ATP13A1: variants seen among roughly 807,000 people sequenced by gnomAD.
ATP13A1 encodes ATPase 13A1.
In ATP13A1, 55 loss-of-function variants were observed where a neutral mutation model predicts 134.8. That is an observed-to-expected ratio of 0.41 (90% CI 0.33 to 0.51). The LOEUF (loss-of-function observed/expected upper bound fraction) is 0.51, where lower values mean the gene tolerates loss of function less well. ATP13A1 is among the 20% of genes least tolerant of loss of function. The pLI is 0.29. For missense variants in ATP13A1, 1,389 were observed against 1,652.8 expected (o/e 0.84, Z 2.77); for synonymous variants, 775 against 725.1 (o/e 1.07, Z -1.10).
chr19:19,646,505 CCCTG>C lies in ATP13A1; in HGVS notation c.3106-162_3106-159del, dbSNP rs1175107471. 5 of 875,236 alleles carry C rather than the reference CCCTG, an allele frequency of 5.7e-6. No individual in the cohort carries two copies. The Admixed American group carries it at 1.0e-4, about 18-fold the overall frequency. The allele number at this position is 875,236 out of a possible 1,614,324, so 54.2% of individuals were successfully genotyped here. ...CATGGGTCAGCACCAGTCCCTGGAT[CCCTG>C]CCTGCCTCTCACCCCTGAGCCCAGG... On this transcript the variant is annotated intron_variant, in intron 22 of 25. Transcript: ENST00000357324.
At position 19,655,050 on chromosome 19, in the gene ATP13A1, G is replaced by A; in HGVS notation, c.1655+69C>T. 6.3e-7 allele frequency: 1 copy of A among 1,589,096 alleles called. No homozygotes were observed. The highest frequency in any genetic ancestry group is 8.5e-7 in the Non-Finnish European group (1 of 1,170,344). On this transcript the variant is annotated intron_variant, in intron 12 of 25. Coordinates refer to ENST00000357324, the MANE Select transcript of ATP13A1 (RefSeq NM_020410.3). This position sits in a 1 kb window ranked among gnomAD's most constrained non-coding sequence, Gnocchi z 5.7. The stretch of plus-strand genomic sequence containing the variant: ...CACTGCAAGGGCTTGGGGTGGATGG[G>A]CCACCTGTCTCTCGACTTCCCAGAA...
At chr19:19,659,813 CCA>C in intron 2 of ATP13A1, 22 bp from the exon 3 acceptor site, 1 of 1,609,982 alleles carries the variant, frequency 6.2e-7, no homozygotes. Context: ...GGTGTGTTTG[CCA>C]CAGAGGCCCC....
chr19:19,648,139 CG>C (rs2061998762), intron 19 of ATP13A1, among the ~76,000 whole-genome samples: 2 of 151,114 alleles, frequency 1.3e-5, no homozygotes, highest in Non-Finnish European at 2.9e-5. Context: ...GCTGATACGG[CG>C]AAACCCCGTC....
Position 19,662,184 on chromosome 19 carries a change from T to C in ATP13A1, c.396+1087A>G, listed in dbSNP as rs2062099130. ...CAAAAGGCAGCTGAAGTTTGAGCGG[T>C]GCCACAGTCCCCTTAACCCCTCCTT... is the stretch of plus-strand genomic sequence containing the variant. On this transcript the variant is annotated intron_variant, in intron 1 of 25. Coordinates refer to ENST00000357324, the MANE Select transcript of ATP13A1 (RefSeq NM_020410.3). 3 of 1,549,280 alleles carry C rather than the reference T, an allele frequency of 1.9e-6. 1 individual carries two copies. The highest frequency in any genetic ancestry group is 3.9e-5 in the Admixed American group (2 of 50,784).
rs927735689 is a variant in ATP13A1, at chr19:19,653,686, C to A, written c.2100+98G>T. The A allele has an allele frequency of 1.9e-5, 22 of 1,151,214 alleles. No homozygotes were observed. In the African/African-American group the frequency reaches 2.6e-4, roughly 14 times the overall value. 71.3% of individuals were successfully genotyped at this position (1,151,214 alleles called of 1,614,324 possible). ...AGGCGGGGCAAGGAGGACAAAATCA[C>A]AACCATTCAACCTGGCACTGTGGGA... On this transcript the variant is annotated intron_variant, in intron 15 of 25. Transcript: ENST00000357324. This position sits in a 1 kb window ranked among gnomAD's most constrained non-coding sequence, Gnocchi z 4.2.
At chr19:19,649,454 C>G (rs1315495919) in intron 19 of ATP13A1, 113 bp downstream of exon 19, 7 of 1,138,190 alleles carry the variant, frequency 6.2e-6, no homozygotes, top group Non-Finnish European at 7.6e-6. Context: ...CCCATCCTCA[C>G]AGGAATTAGT....
chr19:19,645,251 G>C lies in ATP13A1; in HGVS notation c.*171C>G, dbSNP rs2061976683. The stretch of plus-strand genomic sequence containing the variant: ...TACCAAAGGTGCTGGCTTGGGGCTG[G>C]TTCTGCTGGCCAAGCCAGCGGATGG... On this transcript the variant is annotated 3_prime_UTR_variant, in exon 26 of 26. Transcript: ENST00000357324. The surrounding 1 kb of genome is among the most constrained non-coding windows in gnomAD (Gnocchi z 4.1). 2.8e-6 allele frequency: 2 copies of C among 711,430 alleles called. No homozygotes were observed. The highest frequency in any genetic ancestry group is 5.8e-5 in the Admixed American group (2 of 34,550). 44.1% of individuals were successfully genotyped at this position (711,430 alleles called of 1,614,324 possible).
intron 13 of ATP13A1, 113 bp downstream of exon 13, chr19:19,654,430 C>G (rs2062044211): frequency 7.5e-7 from 1 of 1,336,898 alleles, no homozygotes; most frequent in Non-Finnish European, 1.0e-6. Flanking sequence ...CGGGGAGCAT[C>G]AGAGCTGTAG....
At position 19,655,617 on chromosome 19, in the gene ATP13A1, C is replaced by T; in HGVS notation, c.1307G>A (p.Arg436Lys). ...LLRTILFGVK[R>K]VTANNLETFI... is the part of the protein sequence containing the mutation. ...GGTCTCCAGGTTGTTCGCAGTCACC[C>T]TCTTGACCCCGAAGAGGATGGTGCG... Residue 436 changes from arginine (R) to lysine (K), a missense_variant, in exon 10 of 26, where the codon AGG (arginine) becomes AAG (lysine). Physicochemically the swap from Arg to Lys is conservative, Grantham distance 26 (BLOSUM62 2). Around this residue, in one of 4 missense-constraint regions of ATP13A1, gnomAD observed 747 missense variants for 956.1 expected, o/e 0.78. Coordinates refer to ENST00000357324, the MANE Select transcript of ATP13A1 (RefSeq NM_020410.3). This position sits in a 1 kb window ranked among gnomAD's most constrained non-coding sequence, Gnocchi z 5.7. 1 of 1,613,826 alleles carries T rather than the reference C, an allele frequency of 6.2e-7. No individual in the cohort carries two copies. The highest frequency in any genetic ancestry group is 8.5e-7 in the Non-Finnish European group (1 of 1,179,834).
At position 19,656,824 on chromosome 19, in the gene ATP13A1, G is replaced by T; in HGVS notation, c.976+23C>A. ...GCCCTGAGGCTGGGGCTCCCACTGG[G>T]ACTGAGCGGAACCCGGCCTCACCGA... On this transcript the variant is annotated intron_variant, in intron 6 of 25. Coordinates refer to ENST00000357324, the MANE Select transcript of ATP13A1 (RefSeq NM_020410.3). This position sits in a 1 kb window ranked among gnomAD's most constrained non-coding sequence, Gnocchi z 4.6. The T allele has an allele frequency of 6.2e-7, 1 of 1,612,254 alleles. No individual in the cohort carries two copies. Among genetic ancestry groups the T allele is most frequent in the Non-Finnish European group, 8.5e-7 (1 of 1,179,294 alleles).
In ATP13A1 at chr19:19,653,655, A is replaced by C. The variant is rs2062038567; in HGVS notation, c.2100+129T>G. The C allele has an allele frequency of 1.2e-6, 1 of 865,762 alleles. No individual in the cohort carries two copies. Among genetic ancestry groups the C allele is most frequent in the African/African-American group, 1.7e-5 (1 of 59,236 alleles). 53.6% of individuals were successfully genotyped at this position (865,762 alleles called of 1,614,324 possible). A position where few individuals can be genotyped will look rare whatever the true frequency, so the allele number is the denominator to read the frequency against. ...GCCATTTGGAGTCTCCAAAGGTAGA[A>C]GCTGGAGGCGGGGCAAGGAGGACAA... On this transcript the variant is annotated intron_variant, in intron 15 of 25. Transcript: ENST00000357324. This position sits in a 1 kb window ranked among gnomAD's most constrained non-coding sequence, Gnocchi z 4.2.
chr19:19,663,364 C>T lies in ATP13A1; in HGVS notation c.303G>A (p.Leu101=). 6.3e-7 allele frequency: 1 copy of T among 1,591,132 alleles called. No homozygotes were observed. Among genetic ancestry groups the T allele is most frequent in the Non-Finnish European group, 8.5e-7 (1 of 1,170,176 alleles). Residue 101 remains leucine, a synonymous_variant, in exon 1 of 26, where the codon CTG becomes CTA. Transcript: ENST00000357324. ...CGAGGCAGATGGTGGCAAGCACGAG[C>T]AGCGCAGCTTCGGGGATCTGCACCC... ...SSWVQIPEAA[L]LVLATICLAH...
In ATP13A1 at chr19:19,649,806, G is replaced by A. The variant is rs1599429131; in HGVS notation, c.2470C>T (p.Pro824Ser). The part of the protein sequence containing the change: ...DGLAHLQATD[P>S]QQLLRLIPHV... ...GGGATGAGGCGGAGCAGCTGCTGGG[G>A]GTCGGTGGCCTGCAGGTGGGCCAAG... Residue 824 changes from proline (P) to serine (S), a missense_variant, in exon 18 of 26, where the codon CCC becomes TCC. This residue lies in a region of ATP13A1 where 747 missense variants were observed against 956.1 expected (regional missense o/e 0.78). Coordinates refer to ENST00000357324, the MANE Select transcript of ATP13A1 (RefSeq NM_020410.3). The A allele has an allele frequency of 6.2e-7, 1 of 1,601,982 alleles. No individual in the cohort carries two copies. Among genetic ancestry groups the A allele is most frequent in the African/African-American group, 1.3e-5 (1 of 74,818 alleles).
Position 19,661,799 on chromosome 19 carries a change from G to C in ATP13A1, c.396+1472C>G, listed in dbSNP as rs570311293. On this transcript the variant is annotated intron_variant, in intron 1 of 25. Coordinates refer to ENST00000357324, the MANE Select transcript of ATP13A1 (RefSeq NM_020410.3). ...GGGGGGAGCACAATGATGACCCGCA[G>C]AAACAAAGCGCCACCGCACGGGTGG... Among the ~76,000 whole-genome samples, 305 of 152,286 alleles carry C rather than the reference G, an allele frequency of 2.0e-3. 1 individual carries two copies. The highest frequency in any genetic ancestry group is 2.6e-3 in the Non-Finnish European group (180 of 68,020).
Position 19,659,726 on chromosome 19 carries a change from C to T in ATP13A1, c.552G>A (p.Leu184=), listed in dbSNP as rs2062082217. The T allele has an allele frequency of 2.5e-6, 4 of 1,613,968 alleles. No homozygotes were observed. The highest frequency in any genetic ancestry group is 3.4e-6 in the Non-Finnish European group (4 of 1,179,872). Residue 184 remains leucine, a synonymous_variant, in exon 3 of 26, where the codon CTG becomes CTA. Coordinates refer to ENST00000357324, the MANE Select transcript of ATP13A1 (RefSeq NM_020410.3). ...CCACGGGGAGAAACTGCTTCTTCTC[C>T]AGGGCATCGTAGGAATACTTGATCT... ...FQKIKYSYDA[L]EKKQFLPVAF...
rs1418281111 is a variant in ATP13A1, at chr19:19,645,404, G to A, written c.*18C>T. 6.3e-7 allele frequency: 1 copy of A among 1,580,130 alleles called. No individual in the cohort carries two copies. Among genetic ancestry groups the A allele is most frequent in the East Asian group, 2.3e-5 (1 of 43,018 alleles). On this transcript the variant is annotated 3_prime_UTR_variant, in exon 26 of 26. Transcript: ENST00000357324. This position sits in a 1 kb window ranked among gnomAD's most constrained non-coding sequence, Gnocchi z 4.1. ...CCAGCGGCAGCCAGGGTGGGCAGTGGGTACCAGCACTGCCATCTCAGGAAG... is the reference window on the plus strand; with the variant it reads ...CCAGCGGCAGCCAGGGTGGGCAGTGAGTACCAGCACTGCCATCTCAGGAAG...
chr19:19,646,434 T>A (rs1020715693), intron 22 of ATP13A1, 87 bp from the exon 23 acceptor site: 8 of 1,499,744 alleles, frequency 5.3e-6, no homozygotes, highest in African/African-American at 1.4e-5. Flanking sequence ...ATCCCCTGCC[T>A]CCCGGGAGAC....
chr19:19,649,245 G>C (rs552426001), intron 19 of ATP13A1, among the ~76,000 whole-genome samples: 8 of 152,308 alleles, frequency 5.3e-5, no homozygotes, highest in Admixed American at 4.6e-4. Context: ...TTCCAGGCAG[G>C]AGCCACAGTG....
chr19:19,663,640 G>C lies in ATP13A1; in HGVS notation c.27C>G (p.Asn9Lys). 1.5e-6 allele frequency: 2 copies of C among 1,305,242 alleles called. No individual in the cohort carries two copies. Among genetic ancestry groups the C allele is most frequent in the Non-Finnish European group, 1.9e-6 (2 of 1,029,116 alleles). The allele number at this position is 1,305,242 out of a possible 1,614,324, so 80.9% of individuals were successfully genotyped here. ...AAGGCCGGGCCCCGCAGGGCACCGC[G>C]TTGCCCACCGCCGCCGCTGCCGCCA... MAAAAAVG[N>K]AVPCGARPCG... Residue 9 changes from asparagine (N) to lysine (K), a missense_variant, in exon 1 of 26, where the codon AAC (asparagine) becomes AAG (lysine). This residue lies in a region of ATP13A1 where 293 missense variants were observed against 270.8 expected (regional missense o/e 1.08). Transcript: ENST00000357324.
Sources: allele counts gnomAD v4.1 joint callset (sites outside exome capture counted in the v4.1 genomes callset), GRCh38; gene constraint gnomAD v4.1.1; regional missense constraint gnomAD v4.1.1; non-coding constraint Gnocchi (gnomAD v3.1); transcripts MANE v1.5; gene names NCBI Gene and HGNC (gene_info 2026-07-23, HGNC 2026-07-21).